The following MORN5 variants were observed in gnomAD, a reference collection of about 807,000 sequenced individuals.
MORN5 encodes MORN repeat containing 5, also known as MORN repeat-containing protein 5.
A neutral mutation model predicts 22.1 loss-of-function variants in MORN5; 21 were observed. The ratio of observed to expected loss-of-function variants is 0.95; its 90% CI spans 0.67 to 1.37. The LOEUF is 1.37. MORN5 is among the 40% of genes most tolerant of loss of function. The pLI, the probability that MORN5 is intolerant of heterozygous loss-of-function variation, is 0.00. For missense variants in MORN5, 211 were observed against 215.1 expected (o/e 0.98, Z 0.12); for synonymous variants, 73 against 74.0 (o/e 0.99, Z 0.07).
chr9:122,181,564 C>T (rs937339397), intron 4 of MORN5, among the ~76,000 whole-genome samples: 3 of 152,156 alleles, frequency 2.0e-5, no homozygotes, highest in African/African-American at 7.2e-5. Context: ...ATACTGCAAA[C>T]ACAAAACAAA....
chr9:122,185,157 G>A (rs1055272746), intron 4 of MORN5, among the ~76,000 whole-genome samples: 1 of 151,976 alleles, frequency 6.6e-6, no homozygotes, highest in Admixed American at 6.6e-5. Context: ...CTGGGTTCAC[G>A]CCATTCTCCT....
intron 3 of MORN5, among the ~76,000 whole-genome samples, chr9:122,172,518 C>T (rs560779682): frequency 1.3e-5 from 2 of 152,210 alleles, no homozygotes; most frequent in East Asian, 3.9e-4. Flanking sequence ...ATACTTTAAC[C>T]CTCTTACTTC....
chr9:122,199,283 G>A (rs553377570), intron 4 of MORN5, among the ~76,000 whole-genome samples: 6 of 152,330 alleles, frequency 3.9e-5, no homozygotes, highest in African/African-American at 4.8e-5. Context: ...TCTGTAAAAC[G>A]GTGGTGAAGG....
chr9:122,199,190 T>C (rs1829958734), intron 4 of MORN5, among the ~76,000 whole-genome samples: 1 of 152,224 alleles, frequency 6.6e-6, no homozygotes, highest in Non-Finnish European at 1.5e-5. Flanking sequence ...TGGACAATCC[T>C]AGGTTCTAGT....
At chr9:122,179,408 G>A (rs534300493) in intron 4 of MORN5, among the ~76,000 whole-genome samples, 1 of 152,320 alleles carries the variant, frequency 6.6e-6, no homozygotes, top group African/African-American at 2.4e-5. Flanking sequence ...AGATTAGGTA[G>A]GAGATCCTTC....
intron 4 of MORN5, among the ~76,000 whole-genome samples, chr9:122,190,573 C>CT (rs1829740604): frequency 6.6e-6 from 1 of 152,214 alleles, no homozygotes; most frequent in Admixed American, 6.5e-5. Context: ...TCATCTTTTT[C>CT]TAAGCCTTTT....
chr9:122,199,871 C>A lies in MORN5; in HGVS notation c.440-14C>A. 1 of 1,613,904 alleles carries A rather than the reference C, an allele frequency of 6.2e-7. No individual in the cohort carries two copies. Among genetic ancestry groups the A allele is most frequent in the East Asian group, 2.2e-5 (1 of 44,884 alleles). ...GAGCACCAAGCATGACCAGCTCTTC[C>A]TCTTTCCTTGCAGATGATGACGAGC... On this transcript the variant is annotated splice_polypyrimidine_tract_variant and intron_variant, in intron 4 of 4. Transcript: ENST00000373764.
intron 1 of MORN5, among the ~76,000 whole-genome samples, chr9:122,165,531 C>T (rs1564414924): frequency 6.6e-6 from 1 of 151,850 alleles, no homozygotes; most frequent in Non-Finnish European, 1.5e-5. Context: ...GCCATGATCA[C>T]ACAGCTGTAC....
chr9:122,177,917 C>T (rs371280936), intron 4 of MORN5, among the ~76,000 whole-genome samples: 61 of 152,328 alleles, frequency 4.0e-4, no homozygotes, highest in African/African-American at 1.3e-3. Flanking sequence ...AGATAGGAAG[C>T]CCCAACAGAC....
At chr9:122,180,432 C>T (rs956685178) in intron 4 of MORN5, among the ~76,000 whole-genome samples, 1 of 151,880 alleles carries the variant, frequency 6.6e-6, no homozygotes, top group Non-Finnish European at 1.5e-5. Context: ...ACTACAGGCA[C>T]ACACCACCAC....
chr9:122,196,050 C>G (rs1166726235), intron 4 of MORN5, among the ~76,000 whole-genome samples: 1 of 151,868 alleles, frequency 6.6e-6, no homozygotes, highest in Non-Finnish European at 1.5e-5. Flanking sequence ...CTCAACCACC[C>G]CAGGCTCAGG....
intron 4 of MORN5, among the ~76,000 whole-genome samples, chr9:122,181,969 C>T (rs1465467782): frequency 6.6e-6 from 1 of 152,188 alleles, no homozygotes; most frequent in African/African-American, 2.4e-5. Context: ...ATTTGTTAAG[C>T]TTTCTCTAGG....
chr9:122,167,176 T>C (rs951536722), intron 2 of MORN5, among the ~76,000 whole-genome samples: 1 of 149,528 alleles, frequency 6.7e-6, no homozygotes, highest in Non-Finnish European at 1.5e-5. Context: ...GCCTCCCGAG[T>C]AGCTGGGACT....
chr9:122,174,215 C>A (rs961767440), intron 3 of MORN5, among the ~76,000 whole-genome samples: 2 of 152,168 alleles, frequency 1.3e-5, no homozygotes, highest in Admixed American at 6.5e-5. Context: ...GAACCTGTGC[C>A]CTTTGTCATG....
At position 122,188,531 on chromosome 9, in the gene MORN5, G is replaced by A. The variant is rs56087607; in HGVS notation, c.440-11354G>A. Among the ~76,000 whole-genome samples, 1,268 of 152,296 alleles carry A rather than the reference G, an allele frequency of 8.3e-3. 21 individuals are homozygous for A. Among genetic ancestry groups the A allele is most frequent in the African/African-American group, 0.03 (1,233 of 41,568 alleles). Reference sequence around the variant, plus strand: ...GGCTCCCGCCTGCCGGGGCCCCTTCGGTCCATCGTCCACTTGCAGCCAGGG... The same window carrying A: ...GGCTCCCGCCTGCCGGGGCCCCTTCAGTCCATCGTCCACTTGCAGCCAGGG... On this transcript the variant is annotated intron_variant, in intron 4 of 4. Coordinates refer to ENST00000373764, the MANE Select transcript of MORN5 (RefSeq NM_198469.4).
chr9:122,195,601 A>C (rs1199392641), intron 4 of MORN5, among the ~76,000 whole-genome samples: 2 of 152,154 alleles, frequency 1.3e-5, no homozygotes, highest in African/African-American at 2.4e-5. Flanking sequence ...ACAGAAGTAA[A>C]GTGTCATTTT....
intron 4 of MORN5, among the ~76,000 whole-genome samples, chr9:122,194,061 G>A (rs1319395211): frequency 6.6e-6 from 1 of 152,174 alleles, no homozygotes; most frequent in East Asian, 1.9e-4. Flanking sequence ...AATGACCTAT[G>A]AGGGCAGGGC....
chr9:122,196,544 G>A (rs1420835245), intron 4 of MORN5, among the ~76,000 whole-genome samples: 16 of 151,688 alleles, frequency 1.1e-4, no homozygotes, highest in Admixed American at 1.1e-3. Context: ...TGTTGGCCAG[G>A]ATGGCCTTGA....
intron 4 of MORN5, among the ~76,000 whole-genome samples, chr9:122,193,858 T>C (rs1042236899): frequency 6.6e-6 from 1 of 151,874 alleles, no homozygotes; most frequent in Non-Finnish European, 1.5e-5. Flanking sequence ...CATTTTACAG[T>C]GCGAGGGGAG....
Sources: gnomAD v4.1 joint callset for allele counts (sites outside exome capture counted in the v4.1 genomes callset) on GRCh38, gnomAD v4.1.1 for gene constraint, MANE v1.5 for transcripts, NCBI Gene and HGNC (gene_info 2026-07-23, HGNC 2026-07-21) for gene names.